DISP3: variants seen among roughly 807,000 people sequenced by gnomAD.
The protein encoded by DISP3 is dispatched RND transporter family member 3, also known as protein dispatched homolog 3.
DISP3 carries 101 observed loss-of-function variants against 135.3 expected under a neutral mutation model. That is an observed-to-expected ratio of 0.75 (90% confidence interval 0.64 to 0.88). DISP3 has a LOEUF of 0.88. DISP3 is among the 40% of genes least tolerant of loss of function. The probability of loss-of-function intolerance (pLI) is 0.00; values close to 1 mark genes in which losing one functional copy is unlikely to be tolerated. For synonymous variants in DISP3, 856 were observed against 817.0 expected (o/e 1.05, Z -0.81); for missense variants, 1,713 against 1,878.6 (o/e 0.91, Z 1.63).
At chr1:11,518,527 C>T (rs1311664491) in intron 7 of DISP3, among the ~76,000 whole-genome samples, 2 of 152,182 alleles carry the variant, frequency 1.3e-5, no homozygotes, top group East Asian at 1.9e-4. Context: ...GGGGAAAGGG[C>T]GCCTTTTCTG....
chr1:11,518,221 C>A (rs1238724402), intron 7 of DISP3, among the ~76,000 whole-genome samples: 1 of 152,172 alleles, frequency 6.6e-6, no homozygotes, highest in Non-Finnish European at 1.5e-5. Flanking sequence ...AGGGCCCACT[C>A]ATTGTGATAA....
chr1:11,526,838 A>G lies in DISP3; in HGVS notation c.2798+3A>G. The G allele has an allele frequency of 6.3e-7, 1 of 1,598,072 alleles. No individual in the cohort carries two copies. Among genetic ancestry groups the G allele is most frequent in the South Asian group, 1.1e-5 (1 of 90,922 alleles). ...ACCAAGGAGCAGCAGCACACCCGGTAACAGAGCCTGGCAGACAAGCCGGTG... is the reference window on the plus strand; with the variant it reads ...ACCAAGGAGCAGCAGCACACCCGGTGACAGAGCCTGGCAGACAAGCCGGTG... On this transcript the variant is annotated splice_donor_region_variant and intron_variant, in intron 13 of 20. Transcript: ENST00000294484.
At chr1:11,514,309 C>G (rs10864515) in intron 3 of DISP3, 81 bp from the exon 4 acceptor site, 268,827 of 1,466,228 alleles carry the variant, frequency 0.18, 27,621 homozygotes, top group East Asian at 0.47. Context: ...GCTCCTGATA[C>G]TCCTCTACAT....
chr1:11,488,637 C>CTGTGTGTGTGTGTG (rs5772457), intron 1 of DISP3, among the ~76,000 whole-genome samples: 3 of 146,328 alleles, frequency 2.1e-5, no homozygotes, highest in East Asian at 4.1e-4. Context: ...GGCAGATGCT[C>CTGTGTGTGTGTGTG]TGTGTGTGTG....
At chr1:11,487,397 G>C (rs758643811) in intron 1 of DISP3, among the ~76,000 whole-genome samples, 39 of 152,332 alleles carry the variant, frequency 2.6e-4, no homozygotes, top group African/African-American at 7.9e-4. Flanking sequence ...GTAATGGGGC[G>C]GCTGCCACCG....
At chr1:11,487,205 C>T (rs943658739) in intron 1 of DISP3, among the ~76,000 whole-genome samples, 1 of 152,206 alleles carries the variant, frequency 6.6e-6, no homozygotes, top group Non-Finnish European at 1.5e-5. Flanking sequence ...TGTCCCCCAC[C>T]CCAGGAAAAG....
At chr1:11,513,181 G>T (rs1047332075) in intron 3 of DISP3, among the ~76,000 whole-genome samples, 2 of 152,158 alleles carry the variant, frequency 1.3e-5, no homozygotes, top group Admixed American at 6.5e-5. Flanking sequence ...CTACTCAGGA[G>T]GCTGAGGTGG....
chr1:11,530,624 G>A (rs1304919808), intron 15 of DISP3, among the ~76,000 whole-genome samples: 5 of 152,046 alleles, frequency 3.3e-5, no homozygotes, highest in Admixed American at 1.3e-4. Context: ...GGGAGGGTGG[G>A]GAGAAAAGCA....
chr1:11,510,399 A>G (rs781305580), intron 3 of DISP3, among the ~76,000 whole-genome samples: 4 of 152,096 alleles, frequency 2.6e-5, no homozygotes, highest in Non-Finnish European at 4.4e-5. Context: ...TTCAAATGAT[A>G]GTATATCATT....
chr1:11,518,937 C>T (rs1472979896), intron 7 of DISP3, among the ~76,000 whole-genome samples: 1 of 152,146 alleles, frequency 6.6e-6, no homozygotes, highest in Non-Finnish European at 1.5e-5. Context: ...TGTGTTCACT[C>T]CAGCTGAGAC....
In DISP3 at chr1:11,488,493, C is replaced by T. The variant is rs140072302; in HGVS notation, c.-4+9121C>T. 5.3e-3 allele frequency among the ~76,000 whole-genome samples: 801 copies of T among 152,278 alleles called. 8 individuals carry two copies. Among genetic ancestry groups the T allele is most frequent in the African/African-American group, 0.018 (767 of 41,564 alleles). On this transcript the variant is annotated intron_variant, in intron 1 of 20. Transcript: ENST00000294484. Reference sequence around the variant, plus strand: ...TGGAGCCACTGACCTGGGTGGGCACCGAAGGTGAGATTCCACCTGGGCACC... The same window carrying T: ...TGGAGCCACTGACCTGGGTGGGCACTGAAGGTGAGATTCCACCTGGGCACC...
chr1:11,504,890 C>T (rs1641653818), intron 3 of DISP3, among the ~76,000 whole-genome samples: 2 of 152,214 alleles, frequency 1.3e-5, no homozygotes, highest in Non-Finnish European at 2.9e-5. Flanking sequence ...TGAGACACTA[C>T]CTGTTTCCAC....
In DISP3 at chr1:11,522,640, G is replaced by GCCAGGA. The variant is rs1557615111; in HGVS notation, c.2363-1300_2363-1299insAGGACC. 6.8e-4 allele frequency among the ~76,000 whole-genome samples: 30 copies of GCCAGGA among 44,296 alleles called. 1 individual carries two copies. The highest frequency in any genetic ancestry group is 1.9e-3 in the East Asian group (2 of 1,070). 29.1% of individuals were successfully genotyped at this position (44,296 alleles called of 152,430 possible). On this transcript the variant is annotated intron_variant, in intron 10 of 20. Transcript: ENST00000294484. ...AGGACCCAGCCAGAGCCCAGCCAGA[G>GCCAGGA]CCCAGCCAGGGCCCAGCCAGAGCCC...
At chr1:11,495,974 T>A (rs1641319842) in intron 1 of DISP3, among the ~76,000 whole-genome samples, 1 of 152,228 alleles carries the variant, frequency 6.6e-6, no homozygotes, top group Non-Finnish European at 1.5e-5. Flanking sequence ...TTATTTCTGA[T>A]TCTAAAAGTA....
Position 11,502,140 on chromosome 1 carries a change from C to G in DISP3, c.1096+52C>G, listed in dbSNP as rs1431749431. ...GCGTAGGTCCAGGTTTCATACAGCT[C>G]TTTATGGAGATTTGGCCCAGGCCAG... On this transcript the variant is annotated intron_variant, in intron 2 of 20. Coordinates refer to ENST00000294484, the MANE Select transcript of DISP3 (RefSeq NM_020780.2). 4.0e-6 allele frequency: 6 copies of G among 1,510,598 alleles called. No homozygotes were observed. In the East Asian group the frequency reaches 1.1e-4, roughly 29 times the overall value. 93.6% of individuals were successfully genotyped at this position (1,510,598 alleles called of 1,614,324 possible).
intron 2 of DISP3, 33 bp downstream of exon 2, chr1:11,502,121 G>A (rs764623721): frequency 6.5e-7 from 1 of 1,527,352 alleles, no homozygotes. Context: ...GGGGGCGTAG[G>A]TCCAGGTTTC....
At chr1:11,526,281 G>A (rs1469204738) in intron 12 of DISP3, among the ~76,000 whole-genome samples, 1 of 152,172 alleles carries the variant, frequency 6.6e-6, no homozygotes, top group Non-Finnish European at 1.5e-5. Flanking sequence ...CGCCTTTCTC[G>A]CCTTGCCCTC....
rs1321504673 is a variant in DISP3, at chr1:11,499,749, T to C, written c.-3-1241T>C. On this transcript the variant is annotated intron_variant, in intron 1 of 20. Transcript: ENST00000294484. The surrounding 1 kb of genome is among the most constrained non-coding windows in gnomAD (Gnocchi z 5.2). ...CTTCGGTCTCTCTCCTCTTTTCCTC[T>C]GTCTCTGTCTCTGTTTCCCTCCTTC... is the stretch of plus-strand genomic sequence containing the variant. Among the ~76,000 whole-genome samples the C allele has an allele frequency of 6.6e-6, 1 of 152,180 alleles. No homozygotes were observed. The highest frequency in any genetic ancestry group is 1.9e-4 in the East Asian group (1 of 5,198).
chr1:11,497,128 C>T (rs1641356523), intron 1 of DISP3, among the ~76,000 whole-genome samples: 1 of 152,204 alleles, frequency 6.6e-6, no homozygotes, highest in Non-Finnish European at 1.5e-5. Context: ...GAAGCTATAT[C>T]CCCTGCCTAT....
Sources: gnomAD v4.1 joint callset for allele counts (sites outside exome capture counted in the v4.1 genomes callset) on GRCh38, gnomAD v4.1.1 for gene constraint, Gnocchi (gnomAD v3.1) non-coding constraint, MANE v1.5 for transcripts, NCBI Gene and HGNC (gene_info 2026-07-23, HGNC 2026-07-21) for gene names.